Variants in PDE11A observed in about 807,000 individuals in gnomAD.
PDE11A encodes dual 3',5'-cyclic-AMP and -GMP phosphodiesterase 11A.
A neutral mutation model predicts 100.5 loss-of-function variants in PDE11A; 100 were observed. That is an observed-to-expected ratio of 1.00 (90% CI 0.85 to 1.18). The LOEUF (loss-of-function observed/expected upper bound fraction) is 1.18, where lower values mean the gene tolerates loss of function less well. Ranked by LOEUF, PDE11A falls within the 50% of genes most tolerant of loss-of-function variation. The pLI is 0.00. For synonymous variants in PDE11A, 381 were observed against 420.8 expected (o/e 0.91, Z 1.16); for missense variants, 1,141 against 1,152.6 (o/e 0.99, Z 0.15).
chr2:177,795,280 A>G (rs2105543398), intron 9 of PDE11A, among the ~76,000 whole-genome samples: 1 of 152,184 alleles, frequency 6.6e-6, no homozygotes, highest in Non-Finnish European at 1.5e-5. Flanking sequence ...AGGGTTTGAA[A>G]ACTTCCTTAC....
chr2:177,787,769 C>T (rs1333885882), intron 9 of PDE11A, among the ~76,000 whole-genome samples: 1 of 151,868 alleles, frequency 6.6e-6, no homozygotes, highest in Non-Finnish European at 1.5e-5. Context: ...TTTAAACCAA[C>T]AAAGATCAAA....
intron 1 of PDE11A, among the ~76,000 whole-genome samples, chr2:178,030,289 G>C (rs928359618): frequency 2.0e-5 from 3 of 152,012 alleles, no homozygotes; most frequent in Non-Finnish European, 4.4e-5. Flanking sequence ...AATTTGAAAA[G>C]TTAGATGAAA....
At chr2:177,844,853 G>T (rs965310939) in intron 5 of PDE11A, among the ~76,000 whole-genome samples, 5 of 151,882 alleles carry the variant, frequency 3.3e-5, no homozygotes, top group Non-Finnish European at 7.4e-5. Flanking sequence ...ACAGGGTTGG[G>T]GGCAAGGTCA....
At chr2:177,795,308 A>G (rs6708580) in intron 9 of PDE11A, among the ~76,000 whole-genome samples, 99,002 of 151,944 alleles carry the variant, frequency 0.65, 33,298 homozygotes, top group African/African-American at 0.8. Flanking sequence ...ACCTGGTGAC[A>G]TCTGATGACA....
chr2:177,944,575 AAC>A (rs1482542913), intron 2 of PDE11A, among the ~76,000 whole-genome samples: 1 of 152,218 alleles, frequency 6.6e-6, no homozygotes, highest in East Asian at 1.9e-4. Flanking sequence ...TTAGAAAATG[AAC>A]AGTTTTATTA....
chr2:177,811,962 C>A (rs141892361), intron 9 of PDE11A, among the ~76,000 whole-genome samples: 1 of 151,910 alleles, frequency 6.6e-6, no homozygotes, highest in African/African-American at 2.4e-5. Context: ...ATAAAACAGG[C>A]GAAAAAATTA....
At chr2:177,664,514 G>A (rs550609597) in intron 18 of PDE11A, among the ~76,000 whole-genome samples, 5 of 151,996 alleles carry the variant, frequency 3.3e-5, no homozygotes, top group Non-Finnish European at 7.4e-5. Flanking sequence ...GATGGTGGGT[G>A]GACTCATTAT....
intron 2 of PDE11A, among the ~76,000 whole-genome samples, chr2:178,002,605 A>C (rs1375058912): frequency 6.6e-6 from 1 of 152,166 alleles, no homozygotes; most frequent in African/African-American, 2.4e-5. Context: ...ATAACCTAGA[A>C]GTCGTGTGGT....
rs985827287 is a variant in PDE11A at position 177,768,374 on chromosome 2, A to G, written c.1788+949T>C. 5.3e-5 allele frequency among the ~76,000 whole-genome samples: 8 copies of G among 152,190 alleles called. No homozygotes were observed. In the South Asian group the frequency reaches 8.3e-4, roughly 16 times the overall value. ...GCCCAATGGTCTCTGCACCATATAT[A>G]TGCAAATGGGACTCTTAGAAAAGTG... On this transcript the variant is annotated intron_variant, in intron 10 of 19. Transcript: ENST00000286063.
intron 7 of PDE11A, among the ~76,000 whole-genome samples, chr2:177,819,489 T>C (rs2083099227): frequency 6.6e-6 from 1 of 152,106 alleles, no homozygotes; most frequent in South Asian, 2.1e-4. Flanking sequence ...ATGACTTCTC[T>C]ATTTCAACCA....
At chr2:177,950,419 T>G (rs1389029857) in intron 2 of PDE11A, among the ~76,000 whole-genome samples, 1 of 152,198 alleles carries the variant, frequency 6.6e-6, no homozygotes, top group Admixed American at 6.5e-5. Context: ...GCTTTAGTCT[T>G]CATCCTCAAA....
intron 2 of PDE11A, among the ~76,000 whole-genome samples, chr2:177,995,646 A>ACCCCCC (rs3067378): frequency 2.7e-5 from 4 of 147,790 alleles, no homozygotes; most frequent in East Asian, 2.0e-4. Flanking sequence ...CACAAACACC[A>ACCCCCC]CCCACCCCGC....
intron 16 of PDE11A, among the ~76,000 whole-genome samples, chr2:177,678,985 G>A (rs1334502142): frequency 6.6e-6 from 1 of 151,256 alleles, no homozygotes; most frequent in East Asian, 1.9e-4. Context: ...GGATGGTGGG[G>A]GGAAGAAGGG....
At chr2:177,807,748 T>C (rs185855844) in intron 9 of PDE11A, among the ~76,000 whole-genome samples, 122 of 152,296 alleles carry the variant, frequency 8.0e-4, no homozygotes, top group African/African-American at 2.8e-3. Context: ...AAAGAACAAC[T>C]AAGACAAATA....
chr2:177,670,479 A>G (rs1412465760), intron 17 of PDE11A, among the ~76,000 whole-genome samples: 1 of 91,148 alleles, frequency 1.1e-5, no homozygotes, highest in Non-Finnish European at 3.1e-5. Context: ...TTTCAACGCT[A>G]CTACAGTGTG....
At chr2:177,782,227 T>C (rs551154143) in intron 9 of PDE11A, among the ~76,000 whole-genome samples, 10 of 152,198 alleles carry the variant, frequency 6.6e-5, no homozygotes, top group African/African-American at 9.7e-5. Flanking sequence ...ACTTTGCAAC[T>C]ACATCCAAAT....
At chr2:177,850,892 G>A (rs1179782577) in intron 5 of PDE11A, among the ~76,000 whole-genome samples, 2 of 152,138 alleles carry the variant, frequency 1.3e-5, no homozygotes, top group African/African-American at 4.8e-5. Context: ...AACAACAGGT[G>A]CTGGAAAGGA....
At chr2:177,753,904 T>C (rs1049628989) in intron 10 of PDE11A, among the ~76,000 whole-genome samples, 1 of 151,978 alleles carries the variant, frequency 6.6e-6, no homozygotes, top group Non-Finnish European at 1.5e-5. Flanking sequence ...CTGATACTTA[T>C]AAAATACCAC....
intron 3 of PDE11A, among the ~76,000 whole-genome samples, chr2:177,899,938 C>T (rs1179705656): frequency 6.6e-6 from 1 of 151,408 alleles, no homozygotes; most frequent in African/African-American, 2.4e-5. Flanking sequence ...AAGCAGACAA[C>T]TTAGAAAAAA....
Sources: gnomAD v4.1 joint callset for allele counts (sites outside exome capture counted in the v4.1 genomes callset) on GRCh38, gnomAD v4.1.1 for gene constraint, MANE v1.5 for transcripts, NCBI Gene and HGNC (gene_info 2026-07-23, HGNC 2026-07-21) for gene names.